VPS37C: variants seen among roughly 807,000 people sequenced by gnomAD.
VPS37C encodes the protein VPS37C subunit of ESCRT-I, also known as vacuolar protein sorting-associated protein 37C.
Under a neutral mutation model 16.1 loss-of-function variants are expected in VPS37C, and 9 were observed. The ratio of observed to expected loss-of-function variants is 0.56; its 90% CI spans 0.34 to 0.97. The LOEUF is 0.97. Ranked by LOEUF, VPS37C falls within the 50% of genes least tolerant of loss-of-function variation. The pLI, the probability that VPS37C is intolerant of heterozygous loss-of-function variation, is 0.02. For synonymous variants in VPS37C, 207 were observed against 206.4 expected, an observed-to-expected ratio of 1.00 and a Z score of -0.02; for missense variants, 479 against 472.7, an observed-to-expected ratio of 1.01 and a Z score of -0.12.
chr11:61,138,950 T>G, intron 1 of VPS37C, 115 bp from the exon 2 acceptor site: 1 of 938,814 alleles, frequency 1.1e-6, no homozygotes, highest in Non-Finnish European at 1.7e-6. Flanking sequence ...ATAATACCAC[T>G]CCACCGGGAG....
chr11:61,130,635 CCTTT>C lies in VPS37C; in HGVS notation c.*1181_*1184del. 3.4e-6 allele frequency: 1 copy of C among 295,966 alleles called. No homozygotes were observed. Among genetic ancestry groups the C allele is most frequent in the South Asian group, 2.8e-5 (1 of 35,864 alleles). The allele number at this position is 295,966 out of a possible 1,614,324, so 18.3% of individuals were successfully genotyped here. ...AACCAAGTTAACACTCATCACACCC[CCTTT>C]GTCTATTGTATTCATTCTTATTACT... On this transcript the variant is annotated 3_prime_UTR_variant, in exon 5 of 5. Transcript: ENST00000301765.
chr11:61,138,808 T>A lies in VPS37C; in HGVS notation c.22A>T (p.Thr8Ser), dbSNP rs779209485. The A allele has an allele frequency of 9.3e-6, 15 of 1,613,608 alleles. No homozygotes were observed. Among genetic ancestry groups the A allele is most frequent in the African/African-American group, 2.7e-5 (2 of 74,746 alleles). The change falls in exon 2 of 5, where the codon ACC becomes TCC. Residue 8 changes from threonine (T) to serine (S), a missense_variant. Transcript: ENST00000301765. METLKDK[T>S]LQELEELQND... ...TGCAACTCCTCCAGCTCCTGCAGGG[T>A]CTTATCCTTCAGCGTCTCCATCCTT...
At chr11:61,132,995 T>C in intron 4 of VPS37C, 1 of 588,892 alleles carries the variant, frequency 1.7e-6, no homozygotes, top group South Asian at 1.9e-5. Context: ...CCTGGGGGCC[T>C]CCTGCTGTGC....
Position 61,130,950 on chromosome 11 carries a change from C to T in VPS37C, c.*870G>A, listed in dbSNP as rs893901119. 7.3e-5 allele frequency: 26 copies of T among 356,860 alleles called. No homozygotes were observed. The highest frequency in any genetic ancestry group is 3.3e-4 in the Admixed American group (7 of 21,302). The allele number at this position is 356,860 out of a possible 1,614,324, so 22.1% of individuals were successfully genotyped here. On this transcript the variant is annotated 3_prime_UTR_variant, in exon 5 of 5. Transcript: ENST00000301765. ...AAGGCACTAAAGGAGTGGATGGATG[C>T]GTGGGCCTCGGGCAAAGTCGCCCTA...
rs761068959 is a variant in VPS37C, at chr11:61,133,264, T to C, written c.339A>G (p.Glu113=). 4 of 1,614,084 alleles carry C rather than the reference T, an allele frequency of 2.5e-6. No homozygotes were observed. The Admixed American group carries it at 5.0e-5, about 20-fold the overall frequency. The change falls in exon 4 of 5, where the codon GAA becomes GAG. Residue 113 remains glutamate, a synonymous_variant. Coordinates refer to ENST00000301765, the MANE Select transcript of VPS37C (RefSeq NM_017966.5). Reference sequence around the variant, plus strand: ...CGCCTCGCCCTCTCACCTCGGACTCTTCTTCGATCTTCATGCCTTCCACCT... The same window carrying C: ...CGCCTCGCCCTCTCACCTCGGACTCCTCTTCGATCTTCATGCCTTCCACCT... ...LLQVEGMKIE[E]ESEAMAEKFL...
At chr11:61,157,266 T>C (rs677303) in intron 1 of VPS37C, among the ~76,000 whole-genome samples, 113,233 of 152,248 alleles carry the variant, frequency 0.74, 43,615 homozygotes, top group East Asian at 1. Context: ...GAAGTGGAAT[T>C]GCTAGATGAT....
intron 1 of VPS37C, among the ~76,000 whole-genome samples, chr11:61,140,373 G>A (rs1361842045): frequency 6.6e-6 from 1 of 152,050 alleles, no homozygotes; most frequent in Non-Finnish European, 1.5e-5. Context: ...CACTCCTCAG[G>A]GGACCCTCCC....
At chr11:61,143,194 C>T (rs1861503372) in intron 1 of VPS37C, among the ~76,000 whole-genome samples, 1 of 151,642 alleles carries the variant, frequency 6.6e-6, no homozygotes, top group Admixed American at 6.6e-5. Context: ...AATATCACCC[C>T]CACCTCACAG....
In VPS37C at chr11:61,156,582, C is replaced by G. The variant is rs1029722421; in HGVS notation, c.-7+4809G>C. 2.0e-5 allele frequency among the ~76,000 whole-genome samples: 3 copies of G among 151,766 alleles called. No individual in the cohort carries two copies. The East Asian group carries it at 5.8e-4, about 29-fold the overall frequency. ...CCTGGGCAACAGAAGGAGACTCTGT[C>G]TCAAAAAAAAACAAAAACAAAAACA... On this transcript the variant is annotated intron_variant, in intron 1 of 4. Transcript: ENST00000301765.
chr11:61,152,723 C>T (rs1045367625), intron 1 of VPS37C, among the ~76,000 whole-genome samples: 25 of 152,350 alleles, frequency 1.6e-4, no homozygotes, highest in African/African-American at 5.3e-4. Context: ...AAAAACCACA[C>T]TTCCAGTCAC....
In VPS37C at chr11:61,132,129, C is replaced by T; in HGVS notation, c.759G>A (p.Arg253=). Reference sequence around the variant, plus strand: ...GGGACCAGGAGTAACCCGCAGCACCCCTGGGTCCAAGCTGGGCTGCCGGGT... The same window carrying T: ...GGGACCAGGAGTAACCCGCAGCACCTCTGGGTCCAAGCTGGGCTGCCGGGT... The part of the protein sequence containing the change: ...PTYPAAQLGP[R]GAAGYSWSPQ... Residue 253 remains arginine (R), a synonymous_variant, in exon 5 of 5, where the codon AGG becomes AGA. Coordinates refer to ENST00000301765, the MANE Select transcript of VPS37C (RefSeq NM_017966.5). 1 of 1,441,052 alleles carries T rather than the reference C, an allele frequency of 6.9e-7. No individual in the cohort carries two copies. The highest frequency in any genetic ancestry group is 2.6e-5 in the East Asian group (1 of 38,216). 89.3% of individuals were successfully genotyped at this position (1,441,052 alleles called of 1,614,324 possible).
At position 61,132,217 on chromosome 11, in the gene VPS37C, G is replaced by A; in HGVS notation, c.671C>T (p.Pro224Leu). 6.6e-7 allele frequency: 1 copy of A among 1,507,836 alleles called. No homozygotes were observed. Among genetic ancestry groups the A allele is most frequent in the South Asian group, 1.3e-5 (1 of 74,148 alleles). 93.4% of individuals were successfully genotyped at this position (1,507,836 alleles called of 1,614,324 possible). Residue 224 changes from proline (P) to leucine (L), a missense_variant, in exon 5 of 5, where the codon CCA (proline) becomes CTA (leucine). By Grantham distance (98) the Pro-to-Leu change is moderately conservative. Transcript: ENST00000301765. Reference sequence around the variant, plus strand: ...GGACACTACTGGGAAAGGGGCCGGTGGCAGGGCTCCATGGGCAGTGGGGCC... The same window carrying A: ...GGACACTACTGGGAAAGGGGCCGGTAGCAGGGCTCCATGGGCAGTGGGGCC... ...PVGPTAHGAL[P>L]PAPFPVVSQP... is the part of the protein sequence containing the mutation.
chr11:61,131,921 G>T lies in VPS37C; in HGVS notation c.967C>A (p.Gln323Lys), dbSNP rs370454919. 130 of 1,296,386 alleles carry T rather than the reference G, an allele frequency of 1.0e-4. No individual in the cohort carries two copies. The Middle Eastern group carries it at 2.0e-3, about 20-fold the overall frequency. The allele number at this position is 1,296,386 out of a possible 1,614,324, so 80.3% of individuals were successfully genotyped here. ...TGCAGGGGCACTGAGGGCTGGGGCT[G>T]GCCTGGAAAGCTGGGGAGCTGAGGC... ...IQPQLPSFPG[Q>K]PQPSVPLQPP... Residue 323 changes from glutamine (Q) to lysine (K), a missense_variant, in exon 5 of 5, where the codon CAG becomes AAG. By Grantham distance (53) the Gln-to-Lys change is moderately conservative (BLOSUM62 1). Coordinates refer to ENST00000301765, the MANE Select transcript of VPS37C (RefSeq NM_017966.5).
chr11:61,133,356 C>A lies in VPS37C; in HGVS notation c.266-19G>T. ...AATTTCTCTGGAAGGGAGGGCAGAA[C>A]GACTGACATTTGAAAAGTGCTTCCT... On this transcript the variant is annotated intron_variant, in intron 3 of 4. Coordinates refer to ENST00000301765, the MANE Select transcript of VPS37C (RefSeq NM_017966.5). 1.2e-6 allele frequency: 2 copies of A among 1,612,610 alleles called. No individual in the cohort carries two copies. Among genetic ancestry groups the A allele is most frequent in the Non-Finnish European group, 1.7e-6 (2 of 1,179,306 alleles).
chr11:61,161,002 C>T (rs1388048935), intron 1 of VPS37C: 1 of 152,474 alleles, frequency 6.6e-6, no homozygotes, highest in Non-Finnish European at 1.5e-5. Flanking sequence ...GGACCCTACT[C>T]TTAGGCCTCA....
intron 1 of VPS37C, among the ~76,000 whole-genome samples, chr11:61,155,628 A>T (rs772650386): frequency 6.6e-6 from 1 of 152,224 alleles, no homozygotes; most frequent in Non-Finnish European, 1.5e-5. Flanking sequence ...CTATACAGGG[A>T]AAATGCCTTC....
At position 61,144,572 on chromosome 11, in the gene VPS37C, G is replaced by A. The variant is rs186856730; in HGVS notation, c.-6-5737C>T. 3 of 152,376 alleles carry A rather than the reference G, an allele frequency of 2.0e-5. No homozygotes were observed. The East Asian group carries it at 5.8e-4, about 29-fold the overall frequency. 9.4% of individuals were successfully genotyped at this position (152,376 alleles called of 1,614,324 possible). A position where few individuals can be genotyped will look rare whatever the true frequency, so the allele number is the denominator to read the frequency against. ...ACGGCGGGACAGGTGACACCCAGGT[G>A]CACAAGACAGGGGTCTTCATGCCAG... On this transcript the variant is annotated intron_variant, in intron 1 of 4. Transcript: ENST00000301765.
At chr11:61,136,460 T>C (rs1861376768) in intron 2 of VPS37C, among the ~76,000 whole-genome samples, 1 of 152,120 alleles carries the variant, frequency 6.6e-6, no homozygotes, top group African/African-American at 2.4e-5. Flanking sequence ...AGGCATGAGC[T>C]ACCGCGCCCA....
Position 61,134,119 on chromosome 11 carries a change from T to C in VPS37C, c.182A>G (p.Glu61Gly), listed in dbSNP as rs770169571. The change falls in exon 3 of 5, where the codon GAG becomes GGG. Residue 61 changes from glutamate (E) to glycine (G), a missense_variant. Physicochemically the swap from Glu to Gly is moderately conservative, Grantham distance 98 (BLOSUM62 -2). Transcript: ENST00000301765. ...ATCCGAGAGGTTTGAGCGGCTGATCTCCAGGGGACCCTGGAACTCCAAGTT... is the reference window on the plus strand; with the variant it reads ...ATCCGAGAGGTTTGAGCGGCTGATCCCCAGGGGACCCTGGAACTCCAAGTT... ...ERNLEFQGPL[E>G]ISRSNLSDRY... 1 of 1,613,970 alleles carries C rather than the reference T, an allele frequency of 6.2e-7. No individual in the cohort carries two copies. Among genetic ancestry groups the C allele is most frequent in the African/African-American group, 1.3e-5 (1 of 75,012 alleles).
Sources: allele counts gnomAD v4.1 joint callset (sites outside exome capture counted in the v4.1 genomes callset), GRCh38; gene constraint gnomAD v4.1.1; transcripts MANE v1.5; gene names NCBI Gene and HGNC (gene_info 2026-07-23, HGNC 2026-07-21).